Variants in ROBO2 observed in about 807,000 individuals in gnomAD.
ROBO2 encodes the protein roundabout guidance receptor 2.
ROBO2 carries 53 observed loss-of-function variants against 160.8 expected under a neutral mutation model. That is an observed-to-expected ratio of 0.33 (90% CI 0.26 to 0.41). The LOEUF is 0.41. ROBO2 is among the 10% of genes least tolerant of loss of function. The pLI is 1.00. For missense variants in ROBO2, 1,577 were observed against 1,722.4 expected (o/e 0.92, Z 1.49); for synonymous variants, 664 against 611.7 (o/e 1.09, Z -1.26).
intron 2 of ROBO2, among the ~76,000 whole-genome samples, chr3:76,261,326 A>T (rs1245388973): frequency 6.6e-6 from 1 of 151,182 alleles, no homozygotes; most frequent in Non-Finnish European, 1.5e-5. Context: ...TTACCTGGAG[A>T]CTCTTTACCT....
intron 2 of ROBO2, among the ~76,000 whole-genome samples, chr3:76,665,447 A>G (rs1017790869): frequency 3.3e-5 from 5 of 152,006 alleles, no homozygotes; most frequent in African/African-American, 1.2e-4. Flanking sequence ...AGCTTCTGAT[A>G]TCTGTTTTGT....
At chr3:77,512,856 G>A (rs1006833001) in intron 5 of ROBO2, among the ~76,000 whole-genome samples, 1 of 151,884 alleles carries the variant, frequency 6.6e-6, no homozygotes, top group Non-Finnish European at 1.5e-5. Flanking sequence ...GACATTAAAT[G>A]TTTCCTGGTT....
At chr3:76,448,075 TAAATG>T (rs1390587375) in intron 2 of ROBO2, among the ~76,000 whole-genome samples, 2 of 151,100 alleles carry the variant, frequency 1.3e-5, no homozygotes, top group Admixed American at 6.6e-5. Flanking sequence ...AATAAATAAA[TAAATG>T]AAATAAAACA....
At chr3:76,425,897 C>T (rs185712338) in intron 2 of ROBO2, among the ~76,000 whole-genome samples, 36 of 152,204 alleles carry the variant, frequency 2.4e-4, no homozygotes, top group Non-Finnish European at 4.6e-4. Flanking sequence ...AGGACAAAGA[C>T]GTTAGGCATG....
intron 5 of ROBO2, among the ~76,000 whole-genome samples, chr3:77,520,162 A>C (rs2090449606): frequency 6.6e-6 from 1 of 151,374 alleles, no homozygotes; most frequent in Non-Finnish European, 1.5e-5. Flanking sequence ...ATAACTAAAT[A>C]TTTGCTGAAT....
chr3:77,172,342 C>A (rs559175914), intron 2 of ROBO2, among the ~76,000 whole-genome samples: 2 of 152,070 alleles, frequency 1.3e-5, no homozygotes, highest in African/African-American at 2.4e-5. Context: ...TGTGTGGCAT[C>A]CATGACTTAC....
intron 2 of ROBO2, among the ~76,000 whole-genome samples, chr3:76,901,793 A>G (rs2075257746): frequency 6.6e-6 from 1 of 151,976 alleles, no homozygotes; most frequent in African/African-American, 2.4e-5. Flanking sequence ...TCATATATGC[A>G]ACTAACATAT....
intron 2 of ROBO2, among the ~76,000 whole-genome samples, chr3:76,012,977 G>A (rs1024115006): frequency 6.6e-6 from 1 of 150,610 alleles, no homozygotes; most frequent in Non-Finnish European, 1.5e-5. Context: ...TGGCAACTGG[G>A]CACGGTGGCT....
intron 2 of ROBO2, among the ~76,000 whole-genome samples, chr3:77,326,253 G>T (rs902100564): frequency 2.0e-5 from 3 of 152,186 alleles, no homozygotes; most frequent in Non-Finnish European, 4.4e-5. Flanking sequence ...AAAATGTGAG[G>T]AGTAGTGAGT....
At chr3:77,316,439 A>G (rs2063997075) in intron 2 of ROBO2, among the ~76,000 whole-genome samples, 1 of 152,168 alleles carries the variant, frequency 6.6e-6, no homozygotes, top group Admixed American at 6.5e-5. Flanking sequence ...TAATTTACTC[A>G]ATATGAATTT....
chr3:77,269,164 G>C (rs1346823300), intron 2 of ROBO2, among the ~76,000 whole-genome samples: 1 of 152,018 alleles, frequency 6.6e-6, no homozygotes, highest in Non-Finnish European at 1.5e-5. Context: ...TGAAAATCCA[G>C]CTTTCTGAAC....
chr3:77,368,251 A>ATCC (rs1560640092), intron 2 of ROBO2, among the ~76,000 whole-genome samples: 2 of 48,360 alleles, frequency 4.1e-5, no homozygotes, highest in Non-Finnish European at 9.3e-5. Flanking sequence ...GGTCAAATAC[A>ATCC]TTCATTTTTT....
intron 2 of ROBO2, among the ~76,000 whole-genome samples, chr3:76,359,324 A>G (rs2075369505): frequency 6.6e-6 from 1 of 152,042 alleles, no homozygotes; most frequent in Non-Finnish European, 1.5e-5. Flanking sequence ...CGTTCATCTG[A>G]AAGGTAATAA....
intron 2 of ROBO2, among the ~76,000 whole-genome samples, chr3:76,527,095 C>T (rs1419465821): frequency 6.6e-6 from 1 of 151,796 alleles, no homozygotes; most frequent in African/African-American, 2.4e-5. Context: ...TTCATGTCAT[C>T]ATTACTTTGG....
At chr3:76,157,712 T>TA (rs574030258) in intron 2 of ROBO2, among the ~76,000 whole-genome samples, 38 of 152,008 alleles carry the variant, frequency 2.5e-4, no homozygotes, top group East Asian at 7.7e-4. Flanking sequence ...CACAGTGTTA[T>TA]AAAAAAAAGC....
At chr3:76,363,768 A>G (rs1007487191) in intron 2 of ROBO2, among the ~76,000 whole-genome samples, 1 of 152,126 alleles carries the variant, frequency 6.6e-6, no homozygotes, top group African/African-American at 2.4e-5. Flanking sequence ...TTGTACATGT[A>G]TTAGTGGATG....
chr3:76,159,158 G>A (rs1182945279), intron 2 of ROBO2, among the ~76,000 whole-genome samples: 1 of 152,074 alleles, frequency 6.6e-6, no homozygotes, highest in African/African-American at 2.4e-5. Context: ...CTTACTAAAA[G>A]GTAAAGAATT....
At chr3:76,418,561 T>A (rs1015940803) in intron 2 of ROBO2, among the ~76,000 whole-genome samples, 4 of 152,188 alleles carry the variant, frequency 2.6e-5, no homozygotes, top group African/African-American at 9.7e-5. Context: ...TCTTTGCTTT[T>A]GTTCTGTGTT....
chr3:76,055,121 A>G (rs1442044286), intron 2 of ROBO2, among the ~76,000 whole-genome samples: 1 of 152,184 alleles, frequency 6.6e-6, no homozygotes, highest in Non-Finnish European at 1.5e-5. Context: ...GCGGCAGGGA[A>G]GAGGGCATGT....
Sources: allele counts gnomAD v4.1 joint callset (sites outside exome capture counted in the v4.1 genomes callset), GRCh38; gene constraint gnomAD v4.1.1; transcripts MANE v1.5; gene names NCBI Gene and HGNC (gene_info 2026-07-23, HGNC 2026-07-21).